GRM1: variants seen among roughly 807,000 people sequenced by gnomAD.
GRM1 encodes the protein glutamate metabotropic receptor 1, also known as metabotropic glutamate receptor 1.
A neutral mutation model predicts 90.9 loss-of-function variants in GRM1; 33 were observed. The ratio of observed to expected loss-of-function variants is 0.36; its 90% CI spans 0.28 to 0.49. The LOEUF is 0.49. Ranked by LOEUF, GRM1 falls within the 20% of genes least tolerant of loss-of-function variation. GRM1 has a pLI of 0.99. For missense variants in GRM1, 1,190 were observed against 1,534.3 expected (o/e 0.78, Z 3.75); for synonymous variants, 700 against 613.2 (o/e 1.14, Z -2.09).
chr6:146,253,995 C>T (rs1013919072), intron 2 of GRM1, among the ~76,000 whole-genome samples: 1 of 151,570 alleles, frequency 6.6e-6, no homozygotes, highest in Non-Finnish European at 1.5e-5. Context: ...AACCCTACAT[C>T]CCAGGATAGT....
At chr6:146,410,189 T>C (rs1225089917) in intron 7 of GRM1, among the ~76,000 whole-genome samples, 2 of 152,174 alleles carry the variant, frequency 1.3e-5, no homozygotes, top group Non-Finnish European at 2.9e-5. Context: ...GCCAGTTCTG[T>C]GACTGTAGCT....
rs181639735 is a variant in GRM1, at chr6:146,402,241, C to T, written c.2660+2542C>T. ...TTTCTGAGTACAACTTATACCTACT[C>T]CAATATGCACCAAGCAAATGAGCTG... On this transcript the variant is annotated intron_variant, in intron 7 of 7. Transcript: ENST00000282753. Among the ~76,000 whole-genome samples, 118 of 152,168 alleles carry T rather than the reference C, an allele frequency of 7.8e-4. 1 individual carries two copies. Among genetic ancestry groups the T allele is most frequent in the Middle Eastern group, 3.4e-3 (1 of 294 alleles).
chr6:146,232,097 G>A (rs1780469458), intron 2 of GRM1, among the ~76,000 whole-genome samples: 2 of 152,088 alleles, frequency 1.3e-5, no homozygotes, highest in Non-Finnish European at 2.9e-5. Context: ...TTTAAATAGA[G>A]ATTAGACAAT....
At chr6:146,094,215 T>A (rs975373642) in intron 1 of GRM1, among the ~76,000 whole-genome samples, 5 of 152,078 alleles carry the variant, frequency 3.3e-5, no homozygotes, top group Non-Finnish European at 7.4e-5. Flanking sequence ...CTAGAGAAAG[T>A]GCAAAGTATG....
intron 1 of GRM1, among the ~76,000 whole-genome samples, chr6:146,080,756 C>T (rs958255841): frequency 2.0e-5 from 3 of 152,100 alleles, no homozygotes; most frequent in Non-Finnish European, 4.4e-5. Flanking sequence ...TGTGTGTTCC[C>T]AACTGTGGGT....
intron 6 of GRM1, 90 bp from the exon 7 acceptor site, chr6:146,398,679 A>G: frequency 2.3e-6 from 2 of 887,506 alleles, no homozygotes; most frequent in Non-Finnish European, 3.9e-6. Context: ...GAAGGATGCA[A>G]AGATGACTGT....
intron 3 of GRM1, among the ~76,000 whole-genome samples, chr6:146,330,508 AT>A (rs1442539110): frequency 6.6e-6 from 1 of 152,164 alleles, no homozygotes; most frequent in Middle Eastern, 3.2e-3. Flanking sequence ...TTATAGAGAT[AT>A]TTTTGATCCA....
chr6:146,197,391 G>T lies in GRM1; in HGVS notation c.950+37794G>T, dbSNP rs548741595. ...AAGAGCAATGTGGTGCTCCAAGAAG[G>T]ATTGTGGCATTTACCAGTTGACTTA... On this transcript the variant is annotated intron_variant, in intron 2 of 7. Transcript: ENST00000282753. Among the ~76,000 whole-genome samples, 8 of 152,312 alleles carry T rather than the reference G, an allele frequency of 5.3e-5. No individual in the cohort carries two copies. In the East Asian group the frequency reaches 1.3e-3, roughly 26 times the overall value.
chr6:146,291,530 C>T (rs186623048), intron 2 of GRM1, among the ~76,000 whole-genome samples: 5 of 151,700 alleles, frequency 3.3e-5, no homozygotes, highest in East Asian at 1.9e-4. Flanking sequence ...CTAAGAAAGT[C>T]CCCCTTGTCT....
At chr6:146,085,879 A>G (rs1454472513) in intron 1 of GRM1, among the ~76,000 whole-genome samples, 1 of 152,132 alleles carries the variant, frequency 6.6e-6, no homozygotes, top group African/African-American at 2.4e-5. Context: ...ACTTCCTTTT[A>G]AAGTTGAGAA....
intron 7 of GRM1, 39 bp from the exon 8 acceptor site, chr6:146,433,833 A>G: frequency 7.3e-7 from 1 of 1,362,456 alleles, no homozygotes. Flanking sequence ...TGTGTGCATG[A>G]TCTATCTGCA....
intron 7 of GRM1, among the ~76,000 whole-genome samples, chr6:146,409,191 G>A (rs1055602899): frequency 3.9e-5 from 6 of 152,174 alleles, no homozygotes; most frequent in African/African-American, 1.4e-4. Context: ...CTCGCCCTAT[G>A]CCTTCTTCAT....
chr6:146,259,522 C>T (rs1781604532), intron 2 of GRM1, among the ~76,000 whole-genome samples: 1 of 152,098 alleles, frequency 6.6e-6, no homozygotes, highest in African/African-American at 2.4e-5. Flanking sequence ...TTTGACTACT[C>T]CAGATAGCCC....
intron 2 of GRM1, among the ~76,000 whole-genome samples, chr6:146,248,048 G>GGT (rs749607059): frequency 3.2e-4 from 49 of 151,694 alleles, no homozygotes; most frequent in Non-Finnish European, 6.5e-4. Context: ...AATTGGGAAG[G>GGT]ATGCTCTGTT....
intron 1 of GRM1, among the ~76,000 whole-genome samples, chr6:146,126,117 A>G (rs1583038655): frequency 6.6e-6 from 1 of 152,152 alleles, no homozygotes; most frequent in Non-Finnish European, 1.5e-5. Flanking sequence ...TCTTATACCA[A>G]CAAGGATCAA....
At chr6:146,114,927 A>G (rs1253315296) in intron 1 of GRM1, among the ~76,000 whole-genome samples, 1 of 152,130 alleles carries the variant, frequency 6.6e-6, no homozygotes, top group Non-Finnish European at 1.5e-5. Flanking sequence ...GATCATTCCA[A>G]TACTGTGGAT....
intron 1 of GRM1, among the ~76,000 whole-genome samples, chr6:146,030,965 T>C (rs769200092): frequency 1.3e-5 from 2 of 152,330 alleles, no homozygotes; most frequent in Admixed American, 6.5e-5. Context: ...TTTTTTCTTC[T>C]AACACAATGA....
chr6:146,394,259 A>G (rs1406472441), intron 6 of GRM1, among the ~76,000 whole-genome samples: 1 of 152,174 alleles, frequency 6.6e-6, no homozygotes, highest in African/African-American at 2.4e-5. Flanking sequence ...GCTTAATATA[A>G]CTAAATTATT....
At position 146,029,702 on chromosome 6, in the gene GRM1, T is replaced by C. The variant is rs1370364787; in HGVS notation, c.185T>C (p.Val62Ala). The change falls in exon 1 of 8, where the codon GTG becomes GCG. Residue 62 changes from valine to alanine, a missense_variant. This residue lies in a region of GRM1 where 25 missense variants were observed against 65.9 expected (regional missense o/e 0.38). Coordinates refer to ENST00000282753, the MANE Select transcript of GRM1 (RefSeq NM_001278064.2). ...CATCACCAGCCTCCGGCCGAGAAAG[T>C]GCCCGAGAGGAAGTGTGGGGAGATC... ...SVHHQPPAEK[V>A]PERKCGEIRE... 1 of 1,613,854 alleles carries C rather than the reference T, an allele frequency of 6.2e-7. No individual in the cohort carries two copies. Among genetic ancestry groups the C allele is most frequent in the East Asian group, 2.2e-5 (1 of 44,856 alleles).
Sources: gnomAD v4.1 joint callset for allele counts (sites outside exome capture counted in the v4.1 genomes callset) on GRCh38, gnomAD v4.1.1 for gene constraint, gnomAD v4.1.1 regional missense constraint, MANE v1.5 for transcripts, NCBI Gene and HGNC (gene_info 2026-07-23, HGNC 2026-07-21) for gene names.